SUPT3H: variants seen among roughly 807,000 people sequenced by gnomAD.
SUPT3H encodes the protein transcription initiation protein SPT3 homolog.
A neutral mutation model predicts 44.3 loss-of-function variants in SUPT3H; 44 were observed. The observed-to-expected ratio is 0.99, with a 90% CI of 0.78 to 1.28. The LOEUF is 1.28. Ranked by LOEUF, SUPT3H falls within the 50% of genes most tolerant of loss-of-function variation. The pLI, the probability that SUPT3H is intolerant of heterozygous loss-of-function variation, is 0.00. For missense variants in SUPT3H, 380 were observed against 387.1 expected, an observed-to-expected ratio of 0.98 and a Z score of 0.15; for synonymous variants, 124 against 125.6, an observed-to-expected ratio of 0.99 and a Z score of 0.09.
At chr6:45,106,542 T>A (rs901118701) in intron 2 of SUPT3H, among the ~76,000 whole-genome samples, 8 of 151,954 alleles carry the variant, frequency 5.3e-5, no homozygotes, top group African/African-American at 1.5e-4. Flanking sequence ...TTTTTATTTT[T>A]TTTATTTTTT....
At chr6:44,866,466 T>C (rs1440884856) in intron 10 of SUPT3H, among the ~76,000 whole-genome samples, 1 of 151,830 alleles carries the variant, frequency 6.6e-6, no homozygotes, top group Non-Finnish European at 1.5e-5. Context: ...GTAATATATA[T>C]ATATATTGAG....
intron 2 of SUPT3H, among the ~76,000 whole-genome samples, chr6:45,181,949 A>G (rs1813324676): frequency 6.6e-6 from 1 of 152,042 alleles, no homozygotes; most frequent in Non-Finnish European, 1.5e-5. Flanking sequence ...AGTGCTAAGT[A>G]AATTTATGCT....
chr6:44,952,845 C>G (rs1276267662), intron 9 of SUPT3H, among the ~76,000 whole-genome samples: 1 of 152,084 alleles, frequency 6.6e-6, no homozygotes, highest in Non-Finnish European at 1.5e-5. Flanking sequence ...TCTAAAAACT[C>G]AAGATGAATG....
chr6:44,887,404 T>C (rs1762497636), intron 10 of SUPT3H, among the ~76,000 whole-genome samples: 1 of 152,056 alleles, frequency 6.6e-6, no homozygotes, highest in Non-Finnish European at 1.5e-5. Context: ...AGAACAGAAA[T>C]TATAACAAAC....
chr6:44,905,401 C>T (rs1000140546), intron 10 of SUPT3H, among the ~76,000 whole-genome samples: 8 of 149,846 alleles, frequency 5.3e-5, no homozygotes, highest in Admixed American at 2.7e-4. Flanking sequence ...TTTATGCAGC[C>T]GAAAGACACA....
At chr6:44,905,678 C>A (rs1368763694) in intron 10 of SUPT3H, among the ~76,000 whole-genome samples, 3 of 151,970 alleles carry the variant, frequency 2.0e-5, no homozygotes, top group Non-Finnish European at 4.4e-5. Context: ...GGGTATATAC[C>A]CAAAGGATTA....
chr6:44,861,540 T>C (rs1267784349), intron 10 of SUPT3H, among the ~76,000 whole-genome samples: 1 of 151,966 alleles, frequency 6.6e-6, no homozygotes, highest in Non-Finnish European at 1.5e-5. Flanking sequence ...GTGTCTGCCA[T>C]CACGCCCAGC....
intron 7 of SUPT3H, among the ~76,000 whole-genome samples, chr6:44,961,272 C>T (rs1400546343): frequency 2.0e-5 from 3 of 152,046 alleles, no homozygotes; most frequent in Non-Finnish European, 2.9e-5. Flanking sequence ...ATACATGCCA[C>T]GGTAGGAGGT....
intron 2 of SUPT3H, among the ~76,000 whole-genome samples, chr6:45,323,223 G>T (rs1232045302): frequency 6.6e-6 from 1 of 151,958 alleles, no homozygotes; most frequent in Non-Finnish European, 1.5e-5. Flanking sequence ...TATTATGTTC[G>T]GTTAAACCTT....
intron 2 of SUPT3H, among the ~76,000 whole-genome samples, chr6:45,239,635 G>A (rs1327924825): frequency 6.6e-6 from 1 of 152,224 alleles, no homozygotes; most frequent in Non-Finnish European, 1.5e-5. Flanking sequence ...TGCCAATCAG[G>A]AGAGTCTTCT....
At chr6:45,226,873 C>G (rs1233977124) in intron 2 of SUPT3H, among the ~76,000 whole-genome samples, 1 of 151,908 alleles carries the variant, frequency 6.6e-6, no homozygotes, top group Non-Finnish European at 1.5e-5. Context: ...GTGGCAAGTG[C>G]CTGTAGTCCC....
intron 2 of SUPT3H, among the ~76,000 whole-genome samples, chr6:45,220,908 A>G (rs1765934420): frequency 6.6e-6 from 1 of 152,228 alleles, no homozygotes; most frequent in African/African-American, 2.4e-5. Context: ...ATGCTACTAT[A>G]AAGACACATG....
At chr6:45,070,601 C>A (rs1217546326) in intron 3 of SUPT3H, among the ~76,000 whole-genome samples, 1 of 151,908 alleles carries the variant, frequency 6.6e-6, no homozygotes, top group Non-Finnish European at 1.5e-5. Context: ...ATTGGCCGGG[C>A]ATGGCAGCAC....
chr6:45,054,298 C>T (rs1164760085), intron 3 of SUPT3H, among the ~76,000 whole-genome samples: 1 of 151,986 alleles, frequency 6.6e-6, no homozygotes, highest in Admixed American at 6.6e-5. Context: ...GGTCTTAAGG[C>T]CCTCATGTAC....
At position 45,229,065 on chromosome 6, in the gene SUPT3H, T is replaced by A. The variant is rs1278865163; in HGVS notation, c.102-123059A>T. Among the ~76,000 whole-genome samples the A allele has an allele frequency of 2.0e-5, 3 of 152,200 alleles. No individual in the cohort carries two copies. The East Asian group carries it at 5.8e-4, about 29-fold the overall frequency. Reference sequence around the variant, plus strand: ...AATTAACAAGCACTCCAAAATATGCTAAGATTAAACCCTAACATTTTTTAA... The same window carrying A: ...AATTAACAAGCACTCCAAAATATGCAAAGATTAAACCCTAACATTTTTTAA... On this transcript the variant is annotated intron_variant, in intron 2 of 10. Transcript: ENST00000371459.
At chr6:45,221,933 T>C (rs1449710819) in intron 2 of SUPT3H, among the ~76,000 whole-genome samples, 1 of 152,020 alleles carries the variant, frequency 6.6e-6, no homozygotes, top group East Asian at 1.9e-4. Context: ...GACAAAAACA[T>C]AGATCAATAG....
intron 6 of SUPT3H, among the ~76,000 whole-genome samples, chr6:44,964,785 C>A (rs1381470965): frequency 2.0e-5 from 3 of 152,140 alleles, no homozygotes; most frequent in African/African-American, 7.2e-5. Flanking sequence ...AAACACTCCA[C>A]GCAAAGCAGC....
At chr6:45,018,590 A>C (rs986296178) in intron 4 of SUPT3H, among the ~76,000 whole-genome samples, 8 of 152,070 alleles carry the variant, frequency 5.3e-5, no homozygotes, top group Non-Finnish European at 1.2e-4. Context: ...CCTTTTCTGC[A>C]TCTATTGAGA....
At chr6:44,897,875 C>T (rs985376201) in intron 10 of SUPT3H, among the ~76,000 whole-genome samples, 3 of 152,182 alleles carry the variant, frequency 2.0e-5, no homozygotes, top group African/African-American at 7.2e-5. Flanking sequence ...TACTATCGTC[C>T]TGTCAACAAA....
Sources: allele counts gnomAD v4.1 joint callset (sites outside exome capture counted in the v4.1 genomes callset), GRCh38; gene constraint gnomAD v4.1.1; transcripts MANE v1.5; gene names NCBI Gene and HGNC (gene_info 2026-07-23, HGNC 2026-07-21).